ADAMTS20: variants seen among roughly 807,000 people sequenced by gnomAD.
ADAMTS20 encodes A disintegrin and metalloproteinase with thrombospondin motifs 20.
In ADAMTS20, 225 loss-of-function variants were observed where a neutral mutation model predicts 260.1. The observed-to-expected ratio is 0.87, with a 90% confidence interval of 0.78 to 0.97. The LOEUF (loss-of-function observed/expected upper bound fraction) is 0.97, where lower values mean the gene tolerates loss of function less well. Among genes scored for constraint, ADAMTS20 ranks in the 50% least tolerant of loss-of-function variants. ADAMTS20 has a pLI of 0.00. For missense variants in ADAMTS20, 2,400 were observed against 2,337.7 expected, an observed-to-expected ratio of 1.03 and a Z score of -0.55; for synonymous variants, 802 against 769.5, an observed-to-expected ratio of 1.04 and a Z score of -0.70.
At chr12:43,549,658 A>AT (rs1306779410) in intron 2 of ADAMTS20, among the ~76,000 whole-genome samples, 3 of 152,126 alleles carry the variant, frequency 2.0e-5, no homozygotes, top group African/African-American at 7.2e-5. Flanking sequence ...TAGAAGGAGA[A>AT]TTTTTTATCC....
intron 28 of ADAMTS20, among the ~76,000 whole-genome samples, chr12:43,404,682 T>G (rs1940878650): frequency 6.6e-6 from 1 of 152,292 alleles, no homozygotes; most frequent in South Asian, 2.1e-4. Flanking sequence ...AAACTTTAGT[T>G]AAACTTCTCT....
chr12:43,525,766 A>C (rs1943133254), intron 3 of ADAMTS20, among the ~76,000 whole-genome samples: 1 of 152,184 alleles, frequency 6.6e-6, no homozygotes, highest in Admixed American at 6.5e-5. Context: ...ACAGTATAAA[A>C]AGAAAAAAAG....
chr12:43,551,974 C>G lies in ADAMTS20; in HGVS notation c.-53G>C. The G allele has an allele frequency of 1.3e-6, 2 of 1,509,970 alleles. No homozygotes were observed. The highest frequency in any genetic ancestry group is 2.3e-5 in the East Asian group (1 of 44,370). The allele number at this position is 1,509,970 out of a possible 1,614,324, so 93.5% of individuals were successfully genotyped here. A position where few individuals can be genotyped will look rare whatever the true frequency, so the allele number is the denominator to read the frequency against. On this transcript the variant is annotated 5_prime_UTR_variant, in exon 1 of 39. Transcript: ENST00000389420. The surrounding 1 kb of genome is among the most constrained non-coding windows in gnomAD (Gnocchi z 4.6). ...GAGGCCCACCAGAGCCGCCGGCAGC[C>G]AAGCCGGCTTCCCTCGCGCTCCGAT...
intron 35 of ADAMTS20, 41 bp downstream of exon 35, chr12:43,376,016 G>A: frequency 7.0e-7 from 1 of 1,419,164 alleles, no homozygotes; most frequent in East Asian, 2.3e-5. Context: ...TCTCTTGGAG[G>A]ACCATGAAAA....
rs745714644 is a variant in ADAMTS20, at chr12:43,453,919, C to T, written c.1748G>A (p.Cys583Tyr). Reference sequence around the variant, plus strand: ...AAAAAAGACATACTCAGGACGATTACAGCGCCTGGTTGCACTTTCGATTCC... The same window carrying T: ...AAAAAAGACATACTCAGGACGATTATAGCGCCTGGTTGCACTTTCGATTCC... ...GGGIESATRR[C>Y]NRPEPRNGGN... Residue 583 changes from cysteine (C) to tyrosine (Y), a missense_variant, in exon 12 of 39, where the codon TGT becomes TAT. By Grantham distance (194) the Cys-to-Tyr change is radical. Coordinates refer to ENST00000389420, the MANE Select transcript of ADAMTS20 (RefSeq NM_025003.5). 4.4e-6 allele frequency: 7 copies of T among 1,604,782 alleles called. No individual in the cohort carries two copies. The highest frequency in any genetic ancestry group is 1.7e-5 in the Admixed American group (1 of 58,570).
chr12:43,396,146 T>C (rs1295838571), intron 29 of ADAMTS20, among the ~76,000 whole-genome samples: 2 of 152,074 alleles, frequency 1.3e-5, no homozygotes, highest in Non-Finnish European at 2.9e-5. Context: ...AACGGCCCTG[T>C]ATAGCAATGT....
At chr12:43,501,481 G>GCGCACACACACA (rs373746834) in intron 4 of ADAMTS20, among the ~76,000 whole-genome samples, 6 of 117,860 alleles carry the variant, frequency 5.1e-5, no homozygotes, top group South Asian at 3.1e-4. Context: ...GCGCGCGCGC[G>GCGCACACACACA]CACACACACA....
At chr12:43,404,350 G>A (rs900358533) in intron 28 of ADAMTS20, among the ~76,000 whole-genome samples, 3 of 152,024 alleles carry the variant, frequency 2.0e-5, no homozygotes, top group African/African-American at 4.8e-5. Context: ...ACTGACCAAT[G>A]TTTGTCTGAA....
intron 36 of ADAMTS20, among the ~76,000 whole-genome samples, chr12:43,371,766 A>C (rs1333132345): frequency 1.3e-5 from 2 of 152,164 alleles, no homozygotes; most frequent in African/African-American, 2.4e-5. Context: ...GGCAGCAGAA[A>C]ACTGAGAGGG....
At chr12:43,484,387 A>G (rs1023315936) in intron 7 of ADAMTS20, among the ~76,000 whole-genome samples, 11 of 152,180 alleles carry the variant, frequency 7.2e-5, no homozygotes, top group Admixed American at 7.2e-4. Context: ...TAAGTAACTC[A>G]AGGAGATACA....
At chr12:43,462,558 C>T (rs1942082023) in intron 11 of ADAMTS20, among the ~76,000 whole-genome samples, 1 of 152,110 alleles carries the variant, frequency 6.6e-6, no homozygotes, top group South Asian at 2.1e-4. Context: ...GAAAACATCC[C>T]TGAATTTGGA....
intron 3 of ADAMTS20, 78 bp downstream of exon 3, chr12:43,531,958 T>C: frequency 3.3e-6 from 3 of 899,116 alleles, no homozygotes; most frequent in Admixed American, 4.2e-5. Flanking sequence ...TGAAGGGAAA[T>C]ATATAAATTA....
chr12:43,432,710 G>T lies in ADAMTS20; in HGVS notation c.2822C>A (p.Thr941Asn), dbSNP rs765707999. The change falls in exon 20 of 39, where the codon ACT (threonine) becomes AAT (asparagine). Residue 941 changes from threonine (T) to asparagine (N), a missense_variant. Physicochemically the swap from Thr to Asn is moderately conservative, Grantham distance 65 (BLOSUM62 0). Transcript: ENST00000389420. ...ACAGTAGTGGTCATCAACTTGAACA[G>T]TCTGTCCTTCATGAATGGAATACTT... ...CMKYSIHEGQ[T>N]VQVDDHYCGD... The T allele has an allele frequency of 1.2e-6, 2 of 1,613,902 alleles. No homozygotes were observed. The highest frequency in any genetic ancestry group is 3.3e-5 in the Admixed American group (2 of 60,024).
chr12:43,485,466 T>C (rs1241764037), intron 7 of ADAMTS20, among the ~76,000 whole-genome samples: 1 of 151,986 alleles, frequency 6.6e-6, no homozygotes, highest in East Asian at 1.9e-4. Context: ...CACTATCATA[T>C]TGAACAGGGA....
At position 43,466,770 on chromosome 12, in the gene ADAMTS20, G is replaced by A; in HGVS notation, c.1249C>T (p.Pro417Ser). 1 of 1,602,826 alleles carries A rather than the reference G, an allele frequency of 6.2e-7. No individual in the cohort carries two copies. The highest frequency in any genetic ancestry group is 8.5e-7 in the Non-Finnish European group (1 of 1,173,692). Residue 417 changes from proline (P) to serine (S), a missense_variant, in exon 9 of 39, where the codon CCT (proline) becomes TCT (serine). Physicochemically the swap from Pro to Ser is moderately conservative, Grantham distance 74. Coordinates refer to ENST00000389420, the MANE Select transcript of ADAMTS20 (RefSeq NM_025003.5). ...GTAACTTTCATTTCTTTACATCTAG[G>A]ATTATCATCATGTTGAACACCAAGT... ...HTLGVQHDDN[P>S]RCKEMKVTKY...
intron 2 of ADAMTS20, among the ~76,000 whole-genome samples, chr12:43,546,832 G>T (rs1319730552): frequency 6.6e-6 from 1 of 152,158 alleles, no homozygotes; most frequent in East Asian, 1.9e-4. Flanking sequence ...TCTCTATTCA[G>T]AAATGTTTGA....
At chr12:43,455,985 AC>A (rs1941958194) in intron 11 of ADAMTS20, among the ~76,000 whole-genome samples, 1 of 152,232 alleles carries the variant, frequency 6.6e-6, no homozygotes, top group South Asian at 2.1e-4. Context: ...GTATGAGTGT[AC>A]AAATATATCT....
intron 23 of ADAMTS20, 63 bp downstream of exon 23, chr12:43,430,289 T>C: frequency 6.6e-7 from 1 of 1,514,382 alleles, no homozygotes; most frequent in Non-Finnish European, 8.9e-7. Flanking sequence ...GAAATAATTT[T>C]AACACATCAA....
chr12:43,521,622 C>T (rs1941434885), intron 3 of ADAMTS20, among the ~76,000 whole-genome samples: 1 of 152,072 alleles, frequency 6.6e-6, no homozygotes, highest in Non-Finnish European at 1.5e-5. Context: ...TAGAAGCTGC[C>T]ACAGCAACTA....
Sources: allele counts gnomAD v4.1 joint callset (sites outside exome capture counted in the v4.1 genomes callset), GRCh38; gene constraint gnomAD v4.1.1; non-coding constraint Gnocchi (gnomAD v3.1); transcripts MANE v1.5; gene names NCBI Gene and HGNC (gene_info 2026-07-23, HGNC 2026-07-21).